PCDHGB7: variants seen among roughly 807,000 people sequenced by gnomAD.
The protein encoded by PCDHGB7 is protocadherin gamma subfamily B, 7.
A neutral mutation model predicts 61.4 loss-of-function variants in PCDHGB7; 37 were observed. That is an observed-to-expected ratio of 0.60 (90% CI 0.46 to 0.79). The LOEUF is 0.79. PCDHGB7 is among the 30% of genes least tolerant of loss of function. The pLI is 0.00. For missense variants in PCDHGB7, 1,166 were observed against 1,202.5 expected (o/e 0.97, Z 0.45); for synonymous variants, 464 against 503.5 (o/e 0.92, Z 1.05).
rs150714552 is a variant in PCDHGB7, at chr5:141,473,285, G to A, written c.2416-21522G>A. On this transcript the variant is annotated intron_variant, in intron 1 of 3. Transcript: ENST00000398594. ...GTGTATGCTATGATTATTTTACTATGTCAGTAGCATAAAGATTGCTATATT... is the reference window on the plus strand; with the variant it reads ...GTGTATGCTATGATTATTTTACTATATCAGTAGCATAAAGATTGCTATATT... 3.9e-3 allele frequency among the ~76,000 whole-genome samples: 590 copies of A among 152,296 alleles called. 6 individuals are homozygous for A. Among genetic ancestry groups the A allele is most frequent in the Admixed American group, 0.011 (170 of 15,296 alleles).
chr5:141,427,304 C>T, intron 1 of PCDHGB7: 1 of 456,910 alleles, frequency 2.2e-6, no homozygotes, highest in Non-Finnish European at 4.4e-6. Flanking sequence ...ATGAGAATGA[C>T]AATGCCCCAG....
At chr5:141,503,133 C>A (rs1164077875) in intron 2 of PCDHGB7, among the ~76,000 whole-genome samples, 1 of 152,002 alleles carries the variant, frequency 6.6e-6, no homozygotes, top group Non-Finnish European at 1.5e-5. Context: ...CTGGTAGCCC[C>A]TGACACAGCC....
chr5:141,431,473 C>T lies in PCDHGB7; in HGVS notation c.2415+11199C>T, dbSNP rs750300971. ...TGATGGTTCTGGATGCGAACGACAA[C>T]GCACCAGCGTTTGCTCAGCCCGAGT... On this transcript the variant is annotated intron_variant, in intron 1 of 3. Coordinates refer to ENST00000398594, the MANE Select transcript of PCDHGB7 (RefSeq NM_018927.4). This position sits in a 1 kb window ranked among gnomAD's most constrained non-coding sequence, Gnocchi z 4.8. 4.3e-6 allele frequency: 7 copies of T among 1,613,832 alleles called. No individual in the cohort carries two copies. The Admixed American group carries it at 1.2e-4, about 27-fold the overall frequency.
Position 141,490,618 on chromosome 5 carries a change from A to C in PCDHGB7, c.2416-4189A>C. The C allele has an allele frequency of 6.2e-7, 1 of 1,614,104 alleles. No homozygotes were observed. Among genetic ancestry groups the C allele is most frequent in the South Asian group, 1.1e-5 (1 of 91,080 alleles). ...ACCCCGCTTCAACCAGCAGCTTTAC[A>C]CTGCTTACATCCTAGAAAACCGGCC... On this transcript the variant is annotated intron_variant, in intron 1 of 3. Coordinates refer to ENST00000398594, the MANE Select transcript of PCDHGB7 (RefSeq NM_018927.4). This position sits in a 1 kb window ranked among gnomAD's most constrained non-coding sequence, Gnocchi z 5.4.
At chr5:141,497,478 C>A (rs974494984) in intron 2 of PCDHGB7, among the ~76,000 whole-genome samples, 1 of 150,954 alleles carries the variant, frequency 6.6e-6, no homozygotes, top group African/African-American at 2.4e-5. Flanking sequence ...GGAGAAGGTG[C>A]GGAACCTCTC....
chr5:141,482,069 G>A (rs892777397), intron 1 of PCDHGB7, among the ~76,000 whole-genome samples: 1 of 138,078 alleles, frequency 7.2e-6, no homozygotes, highest in Non-Finnish European at 1.5e-5. Context: ...TGGGCAACAA[G>A]AACAAAACTC....
intron 1 of PCDHGB7, chr5:141,428,099 C>T: frequency 6.8e-6 from 11 of 1,608,710 alleles, no homozygotes; most frequent in East Asian, 2.2e-5. Context: ...TGTCCTACCA[C>T]GTGCTGCAGG....
chr5:141,470,837 G>A (rs932315417), intron 1 of PCDHGB7, among the ~76,000 whole-genome samples: 4 of 151,948 alleles, frequency 2.6e-5, no homozygotes, highest in Non-Finnish European at 4.4e-5. Flanking sequence ...ACAAACACAC[G>A]CCACCATGCT....
chr5:141,423,864 G>T, intron 1 of PCDHGB7: 4 of 1,284,224 alleles, frequency 3.1e-6, no homozygotes, highest in Non-Finnish European at 3.9e-6. Flanking sequence ...TTTTGTGAAA[G>T]TCATTTTTCA....
At position 141,476,752 on chromosome 5, in the gene PCDHGB7, A is replaced by C. The variant is rs771355583; in HGVS notation, c.2416-18055A>C. The C allele has an allele frequency of 6.2e-7, 1 of 1,613,926 alleles. No homozygotes were observed. The highest frequency in any genetic ancestry group is 1.1e-5 in the South Asian group (1 of 91,080). Reference sequence around the variant, plus strand: ...GAGAACGGGAGCCTAGTCTCCAGTTAGTGCTGACGGCGTTGGACGGAGGGA... The same window carrying C: ...GAGAACGGGAGCCTAGTCTCCAGTTCGTGCTGACGGCGTTGGACGGAGGGA... On this transcript the variant is annotated intron_variant, in intron 1 of 3. Transcript: ENST00000398594. The surrounding 1 kb of genome is among the most constrained non-coding windows in gnomAD (Gnocchi z 7.6).
intron 1 of PCDHGB7, chr5:141,423,735 G>A (rs2096770441): frequency 1.3e-6 from 1 of 777,372 alleles, no homozygotes; most frequent in African/African-American, 2.5e-5. Context: ...TTTTGAGCCT[G>A]TTATGAAAAC....
intron 1 of PCDHGB7, among the ~76,000 whole-genome samples, chr5:141,430,253 T>G (rs2097270288): frequency 9.8e-6 from 1 of 102,050 alleles, no homozygotes; most frequent in Admixed American, 1.0e-4. Context: ...TAGGGAGACA[T>G]CTCCATAATA....
chr5:141,495,384 C>A (rs2099760896), intron 2 of PCDHGB7, among the ~76,000 whole-genome samples: 1 of 152,190 alleles, frequency 6.6e-6, no homozygotes, highest in African/African-American at 2.4e-5. Flanking sequence ...AAGGACTGGG[C>A]GGGGCATGGA....
Position 141,494,872 on chromosome 5 carries a change from G to A in PCDHGB7, c.2474+7G>A. On this transcript the variant is annotated splice_region_variant and intron_variant, in intron 2 of 3. Transcript: ENST00000398594. ...AGAGACCCGGCACCAGCGGGTAGGT[G>A]ACTGATTCTCCAGCCCACCCTCTTC... 1 of 1,614,128 alleles carries A rather than the reference G, an allele frequency of 6.2e-7. No individual in the cohort carries two copies. Among genetic ancestry groups the A allele is most frequent in the South Asian group, 1.1e-5 (1 of 91,074 alleles).
intron 1 of PCDHGB7, among the ~76,000 whole-genome samples, chr5:141,454,773 G>A (rs1272535268): frequency 6.9e-6 from 1 of 144,540 alleles, no homozygotes; most frequent in East Asian, 2.0e-4. Flanking sequence ...TTTTTTACAA[G>A]GAAATAATCC....
rs996153387 is a variant in PCDHGB7, at chr5:141,491,985, G to A, written c.2416-2822G>A. 24 of 743,298 alleles carry A rather than the reference G, an allele frequency of 3.2e-5. No homozygotes were observed. Among genetic ancestry groups the A allele is most frequent in the Non-Finnish European group, 4.5e-5 (22 of 494,254 alleles). 46.0% of individuals were successfully genotyped at this position (743,298 alleles called of 1,614,324 possible). On this transcript the variant is annotated intron_variant, in intron 1 of 3. Transcript: ENST00000398594. The surrounding 1 kb of genome is among the most constrained non-coding windows in gnomAD (Gnocchi z 6.9). ...AGGCCGGGGCCTCCTTCGAGCTTCC[G>A]GTGAATTTCGGGCGATTTCCGCGGG...
chr5:141,450,568 C>A (rs2098685790), intron 1 of PCDHGB7, among the ~76,000 whole-genome samples: 1 of 152,002 alleles, frequency 6.6e-6, no homozygotes. Flanking sequence ...CTCACTGCAA[C>A]TTCTGCCTCC....
At chr5:141,479,573 C>A (rs1468041584) in intron 1 of PCDHGB7, 1 of 152,230 alleles carries the variant, frequency 6.6e-6, no homozygotes, top group Admixed American at 6.5e-5. Flanking sequence ...GGGATGACAT[C>A]TGTGAATAGC....
intron 1 of PCDHGB7, among the ~76,000 whole-genome samples, chr5:141,448,287 C>G (rs1394399947): frequency 6.6e-6 from 1 of 152,130 alleles, no homozygotes; most frequent in Non-Finnish European, 1.5e-5. Flanking sequence ...GCAACTTGCT[C>G]TTTCCACTTA....
Sources: gnomAD v4.1 joint callset for allele counts (sites outside exome capture counted in the v4.1 genomes callset) on GRCh38, gnomAD v4.1.1 for gene constraint, Gnocchi (gnomAD v3.1) non-coding constraint, MANE v1.5 for transcripts, NCBI Gene and HGNC (gene_info 2026-07-23, HGNC 2026-07-21) for gene names.